The following CD58 variants were observed in gnomAD, a reference collection of about 807,000 sequenced individuals.
CD58 encodes the protein lymphocyte function-associated antigen 3.
Under a neutral mutation model 27.6 loss-of-function variants are expected in CD58, and 14 were observed. The observed-to-expected ratio is 0.51, with a 90% CI of 0.34 to 0.79. The LOEUF (loss-of-function observed/expected upper bound fraction) is 0.79. Ranked by LOEUF, CD58 falls within the 30% of genes least tolerant of loss-of-function variation. The probability of loss-of-function intolerance (pLI) is 0.02; values close to 1 mark genes in which losing one functional copy is unlikely to be tolerated. For synonymous variants in CD58, 117 were observed against 103.8 expected (o/e 1.13, Z -0.77); for missense variants, 268 against 301.7 (o/e 0.89, Z 0.83).
In CD58 at chr1:116,570,866, C is replaced by T; in HGVS notation, c.70+37G>A. 2.6e-6 allele frequency: 4 copies of T among 1,515,032 alleles called. No homozygotes were observed. The highest frequency in any genetic ancestry group is 2.1e-4 in the Middle Eastern group (1 of 4,748). The allele number at this position is 1,515,032 out of a possible 1,614,324, so 93.8% of individuals were successfully genotyped here. A position where few individuals can be genotyped will look rare whatever the true frequency, so the allele number is the denominator to read the frequency against. ...AGCCTGGGTGCTGCCCAGTACCCGC[C>T]GGCCGGCGCGGGGCCCCTGGGGCAG... On this transcript the variant is annotated intron_variant, in intron 1 of 5. Transcript: ENST00000369489. The surrounding 1 kb of genome is among the most constrained non-coding windows in gnomAD (Gnocchi z 6.4).
intron 1 of CD58, among the ~76,000 whole-genome samples, chr1:116,569,183 T>A (rs1276908759): frequency 6.6e-6 from 1 of 151,918 alleles, no homozygotes; most frequent in Admixed American, 6.5e-5. Flanking sequence ...TGGAGGAGAG[T>A]TACCCCATCC....
At chr1:116,549,639 C>G (rs954117626) in intron 1 of CD58, among the ~76,000 whole-genome samples, 1 of 152,202 alleles carries the variant, frequency 6.6e-6, no homozygotes, top group African/African-American at 2.4e-5. Context: ...CAACTTTACA[C>G]TAATGAAAAA....
Position 116,527,720 on chromosome 1 carries a change from A to G in CD58, c.629-5737T>C, listed in dbSNP as rs1657472819. ...ATTGGAAAGTATGCCCTCTGCTTCT[A>G]TCTTCTAAAAGAGATTATAGAGAAT... On this transcript the variant is annotated intron_variant, in intron 3 of 5. Transcript: ENST00000369489. This position sits in a 1 kb window ranked among gnomAD's most constrained non-coding sequence, Gnocchi z 4.4. 6.6e-6 allele frequency among the ~76,000 whole-genome samples: 1 copy of G among 152,250 alleles called. No individual in the cohort carries two copies. The highest frequency in any genetic ancestry group is 2.4e-5 in the African/African-American group (1 of 41,466).
At chr1:116,567,072 C>CA (rs1437425861) in intron 1 of CD58, among the ~76,000 whole-genome samples, 1 of 150,706 alleles carries the variant, frequency 6.6e-6, no homozygotes, top group Non-Finnish European at 1.5e-5. Context: ...TCTGGGAGAT[C>CA]AAGGCTGCAG....
At chr1:116,525,161 C>T (rs1657389127) in intron 3 of CD58, among the ~76,000 whole-genome samples, 1 of 152,162 alleles carries the variant, frequency 6.6e-6, no homozygotes, top group Admixed American at 6.5e-5. Context: ...CAGTATCATA[C>T]AGAGTATTTT....
At chr1:116,526,203 A>C (rs1300291350) in intron 3 of CD58, among the ~76,000 whole-genome samples, 2 of 152,186 alleles carry the variant, frequency 1.3e-5, no homozygotes, top group African/African-American at 4.8e-5. Flanking sequence ...ATTTTAATGA[A>C]GTACAGCTTA....
Position 116,538,020 on chromosome 1 carries a change from A to G in CD58, c.365-1792T>C, listed in dbSNP as rs1353418997. Among the ~76,000 whole-genome samples the G allele has an allele frequency of 2.0e-5, 3 of 152,178 alleles. No individual in the cohort carries two copies. The highest frequency in any genetic ancestry group is 6.5e-5 in the Admixed American group (1 of 15,278). On this transcript the variant is annotated intron_variant, in intron 2 of 5. Coordinates refer to ENST00000369489, the MANE Select transcript of CD58 (RefSeq NM_001779.3). This position sits in a 1 kb window ranked among gnomAD's most constrained non-coding sequence, Gnocchi z 4.7. ...AATAAAAGCATTTAATGGTTCCCCC[A>G]TCTTCTCCTCCTCCTGAATTCCTTC...
chr1:116,516,966 T>G lies in CD58; in HGVS notation c.744-2144A>C, dbSNP rs1657099140. On this transcript the variant is annotated intron_variant, in intron 5 of 5. Transcript: ENST00000369489. The surrounding 1 kb of genome is among the most constrained non-coding windows in gnomAD (Gnocchi z 6.1). ...ACCCCCACCCTATCAGCTAGCACAG[T>G]GCCTGGTATCGCATAATCTCCATAA... is the stretch of plus-strand genomic sequence containing the variant. 6.6e-6 allele frequency among the ~76,000 whole-genome samples: 1 copy of G among 152,082 alleles called. No individual in the cohort carries two copies. Among genetic ancestry groups the G allele is most frequent in the Non-Finnish European group, 1.5e-5 (1 of 68,018 alleles).
rs539942748 is a variant in CD58 at position 116,548,370 on chromosome 1, C to T, written c.71-3766G>A. Among the ~76,000 whole-genome samples, 689 of 148,428 alleles carry T rather than the reference C, an allele frequency of 4.6e-3. 6 individuals are homozygous for T. The highest frequency in any genetic ancestry group is 0.016 in the African/African-American group (659 of 40,292). ...TTGGGTTCTTGGTCATGACCTTTTG[C>T]CTAAGCCAAAGTCTAGAAGAGTTTT... On this transcript the variant is annotated intron_variant, in intron 1 of 5. Transcript: ENST00000369489.
At chr1:116,533,147 G>C in intron 3 of CD58, 2 of 753,732 alleles carry the variant, frequency 2.7e-6, no homozygotes. Flanking sequence ...CAAAATCAGA[G>C]GCTAATACGA....
rs1249266957 is a variant in CD58 at position 116,531,656 on chromosome 1, C to G, written c.628+4309G>C. Among the ~76,000 whole-genome samples the G allele has an allele frequency of 5.4e-4, 82 of 152,286 alleles. 2 individuals carry two copies. Among genetic ancestry groups the G allele is most frequent in the Non-Finnish European group, 1.2e-4 (8 of 68,018 alleles). ...TTGTGTGACTTGTACAAACAGTGCT[C>G]CTTTGAGTGACACCTCTGTGGGTTT... On this transcript the variant is annotated intron_variant, in intron 3 of 5. Transcript: ENST00000369489. The surrounding 1 kb of genome is among the most constrained non-coding windows in gnomAD (Gnocchi z 4.5).
chr1:116,544,188 A>T (rs779382935), intron 2 of CD58, 123 bp downstream of exon 2: 5 of 666,848 alleles, frequency 7.5e-6, no homozygotes, highest in Non-Finnish European at 1.3e-5. Context: ...AAAGGAGAAA[A>T]CCCTGACAAC....
chr1:116,526,344 C>T (rs1657433199), intron 3 of CD58, among the ~76,000 whole-genome samples: 2 of 152,218 alleles, frequency 1.3e-5, no homozygotes, highest in South Asian at 4.2e-4. Context: ...ATCTATGGTC[C>T]ATTTTGAGTA....
intron 5 of CD58, chr1:116,518,567 T>C: frequency 5.0e-6 from 3 of 596,220 alleles, no homozygotes; most frequent in Non-Finnish European, 6.3e-6. Flanking sequence ...CCAAAGAGGA[T>C]GGCTTGCTAC....
chr1:116,518,816 A>C (rs1158509192), intron 5 of CD58: 1 of 1,019,706 alleles, frequency 9.8e-7, no homozygotes, highest in African/African-American at 1.7e-5. Flanking sequence ...CCCTGATCCA[A>C]CTTTTTCTGG....
rs531039546 is a variant in CD58, at chr1:116,547,580, T to C, written c.71-2976A>G. Among the ~76,000 whole-genome samples the C allele has an allele frequency of 3.5e-4, 54 of 152,194 alleles. 1 individual carries two copies. The highest frequency in any genetic ancestry group is 1.8e-3 in the Admixed American group (27 of 15,290). On this transcript the variant is annotated intron_variant, in intron 1 of 5. Transcript: ENST00000369489. ...TCCTGACCTCGTGATCTGCCCGCCT[T>C]GGCCTCCCAAAGTGCTGGGATTACA...
intron 2 of CD58, among the ~76,000 whole-genome samples, chr1:116,539,239 C>G (rs897093739): frequency 6.6e-6 from 1 of 152,120 alleles, no homozygotes; most frequent in African/African-American, 2.4e-5. Flanking sequence ...CGAGGCTCCC[C>G]GGAGGGTATG....
chr1:116,534,337 T>G lies in CD58; in HGVS notation c.628+1628A>C, dbSNP rs1301582389. Among the ~76,000 whole-genome samples, 1 of 152,200 alleles carries G rather than the reference T, an allele frequency of 6.6e-6. No individual in the cohort carries two copies. The highest frequency in any genetic ancestry group is 2.4e-5 in the African/African-American group (1 of 41,460). ...CAGATGCTCACGATGACCATCGCCC[T>G]ACGGAAAAACTCAAATTCCTAAACA... On this transcript the variant is annotated intron_variant, in intron 3 of 5. Coordinates refer to ENST00000369489, the MANE Select transcript of CD58 (RefSeq NM_001779.3). The surrounding 1 kb of genome is among the most constrained non-coding windows in gnomAD (Gnocchi z 5.3).
At chr1:116,544,077 T>C (rs1658074381) in intron 2 of CD58, among the ~76,000 whole-genome samples, 1 of 152,196 alleles carries the variant, frequency 6.6e-6, no homozygotes. Context: ...AAAACATTCC[T>C]AGTAAGACAA....
Sources: gnomAD v4.1 joint callset for allele counts (sites outside exome capture counted in the v4.1 genomes callset) on GRCh38, gnomAD v4.1.1 for gene constraint, Gnocchi (gnomAD v3.1) non-coding constraint, MANE v1.5 for transcripts, NCBI Gene and HGNC (gene_info 2026-07-23, HGNC 2026-07-21) for gene names.